Variants in SEMA6D observed in about 807,000 individuals in gnomAD.
SEMA6D encodes the protein semaphorin-6D.
Under a neutral mutation model 106.6 loss-of-function variants are expected in SEMA6D, and 35 were observed. That is an observed-to-expected ratio of 0.33 (90% CI 0.25 to 0.44). The LOEUF (loss-of-function observed/expected upper bound fraction) is 0.44. Ranked by LOEUF, SEMA6D falls within the 20% of genes least tolerant of loss-of-function variation. The pLI is 1.00. For missense variants in SEMA6D, 1,185 were observed against 1,345.9 expected (o/e 0.88, Z 1.87); for synonymous variants, 499 against 487.7 (o/e 1.02, Z -0.31).
chr15:47,726,619 C>T (rs903237545), intron 1 of SEMA6D, among the ~76,000 whole-genome samples: 4 of 152,264 alleles, frequency 2.6e-5, no homozygotes, highest in Non-Finnish European at 2.9e-5. Context: ...AATTACTTCA[C>T]CTCTTTGAGA....
At chr15:47,456,738 C>G (rs913278706) in intron 2 of SEMA6D, among the ~76,000 whole-genome samples, 6 of 152,010 alleles carry the variant, frequency 3.9e-5, no homozygotes, top group Non-Finnish European at 7.4e-5. Flanking sequence ...CTGAGATTGT[C>G]TCAGTTTACT....
At chr15:47,264,865 G>C (rs1056149939) in intron 1 of SEMA6D, among the ~76,000 whole-genome samples, 3 of 151,944 alleles carry the variant, frequency 2.0e-5, no homozygotes, top group Admixed American at 6.6e-5. Flanking sequence ...TGATTTTTGA[G>C]ATAATCTTTA....
In SEMA6D at chr15:47,300,317, T is replaced by C. The variant is rs1221563557; in HGVS notation, c.-238-112076T>C. Among the ~76,000 whole-genome samples, 4 of 151,984 alleles carry C rather than the reference T, an allele frequency of 2.6e-5. No homozygotes were observed. In the East Asian group the frequency reaches 5.8e-4, roughly 22 times the overall value. On this transcript the variant is annotated intron_variant, in intron 1 of 19. Coordinates refer to the SEMA6D transcript ENST00000558014. ...TGAACCTGGGCCACTTGAAAACTTA[T>C]GAAAAAGGGAAATGGAGAGTTTTAC...
chr15:47,314,394 C>G (rs887130545), intron 1 of SEMA6D, among the ~76,000 whole-genome samples: 2 of 151,012 alleles, frequency 1.3e-5, no homozygotes, highest in Non-Finnish European at 3.0e-5. Context: ...GTCAGGAGAT[C>G]GAGACCATCC....
chr15:47,306,474 C>G (rs530809669), intron 1 of SEMA6D, among the ~76,000 whole-genome samples: 2 of 152,144 alleles, frequency 1.3e-5, no homozygotes, highest in East Asian at 3.9e-4. Flanking sequence ...GTAATCCCAG[C>G]ACTTTGAGAG....
intron 1 of SEMA6D, among the ~76,000 whole-genome samples, chr15:47,336,555 C>T (rs1181419918): frequency 6.6e-6 from 1 of 152,162 alleles, no homozygotes; most frequent in Non-Finnish European, 1.5e-5. Flanking sequence ...GAAGCTACCC[C>T]TATGATCGAA....
intron 1 of SEMA6D, among the ~76,000 whole-genome samples, chr15:47,292,623 G>A (rs1247891775): frequency 1.3e-5 from 2 of 152,170 alleles, no homozygotes; most frequent in African/African-American, 4.8e-5. Flanking sequence ...GCAGGGCCAA[G>A]GAGGTCTTGG....
chr15:47,207,993 GCACACACA>G (rs57079521), intron 1 of SEMA6D, among the ~76,000 whole-genome samples: 10,578 of 89,216 alleles, frequency 0.12, 661 homozygotes, highest in Non-Finnish European at 0.16. Context: ...TGGCGCGCGC[GCACACACA>G]CACACACACA....
intron 3 of SEMA6D, among the ~76,000 whole-genome samples, chr15:47,533,698 T>C (rs2045054783): frequency 6.6e-6 from 1 of 152,302 alleles, no homozygotes; most frequent in Admixed American, 6.5e-5. Flanking sequence ...CAGACCATTA[T>C]ATTCTACTTG....
At chr15:47,575,384 T>G (rs2142971182) in intron 3 of SEMA6D, among the ~76,000 whole-genome samples, 1 of 151,726 alleles carries the variant, frequency 6.6e-6, no homozygotes, top group Non-Finnish European at 1.5e-5. Context: ...TGGGGTAGGG[T>G]GAGGGCACAA....
intron 4 of SEMA6D, among the ~76,000 whole-genome samples, chr15:47,691,185 A>G (rs142865832): frequency 2.0e-4 from 30 of 152,202 alleles, no homozygotes; most frequent in Non-Finnish European, 4.3e-4. Flanking sequence ...AGAGTCTTCC[A>G]TGTTGCTCCT....
intron 1 of SEMA6D, among the ~76,000 whole-genome samples, chr15:47,346,057 C>T (rs989032326): frequency 2.0e-5 from 3 of 152,102 alleles, no homozygotes; most frequent in Admixed American, 6.5e-5. Flanking sequence ...TAAAAGTCAT[C>T]TTGTGCATTA....
chr15:47,540,052 GTGTGTGTGTT>G (rs1315430655), intron 3 of SEMA6D, among the ~76,000 whole-genome samples: 2 of 151,964 alleles, frequency 1.3e-5, no homozygotes, highest in Admixed American at 6.6e-5. Context: ...AGCTGTGTGT[GTGTGTGTGTT>G]TGTGTGTGTG....
At chr15:47,608,153 T>C (rs985616766) in intron 4 of SEMA6D, among the ~76,000 whole-genome samples, 2 of 152,206 alleles carry the variant, frequency 1.3e-5, no homozygotes, top group African/African-American at 4.8e-5. Context: ...GGAGTAGACT[T>C]GAATTTTCTG....
At chr15:47,593,541 A>C (rs1402126403) in intron 3 of SEMA6D, among the ~76,000 whole-genome samples, 1 of 148,848 alleles carries the variant, frequency 6.7e-6, no homozygotes, top group African/African-American at 2.5e-5. Flanking sequence ...AAATAATCAG[A>C]AAAAAAAAAG....
intron 4 of SEMA6D, among the ~76,000 whole-genome samples, chr15:47,651,001 A>G (rs1395670016): frequency 2.0e-5 from 3 of 152,218 alleles, no homozygotes; most frequent in South Asian, 2.1e-4. Flanking sequence ...TCTATGTGCT[A>G]TTTCTTTGTT....
At chr15:47,583,234 C>CT (rs1385797662) in intron 3 of SEMA6D, among the ~76,000 whole-genome samples, 1 of 152,162 alleles carries the variant, frequency 6.6e-6, no homozygotes, top group Admixed American at 6.5e-5. Flanking sequence ...TTTGTAGAAA[C>CT]TGAGTTTCTA....
intron 1 of SEMA6D, among the ~76,000 whole-genome samples, chr15:47,404,272 G>A (rs1293879609): frequency 6.6e-6 from 1 of 152,154 alleles, no homozygotes; most frequent in African/African-American, 2.4e-5. Context: ...GGTTAAGGCT[G>A]AAGATATAAA....
chr15:47,249,292 T>C (rs1020403146), intron 1 of SEMA6D, among the ~76,000 whole-genome samples: 2 of 152,116 alleles, frequency 1.3e-5, no homozygotes, highest in East Asian at 3.9e-4. Flanking sequence ...TAGGACCTTA[T>C]AGTTGGCATG....
Sources: allele counts gnomAD v4.1 joint callset (sites outside exome capture counted in the v4.1 genomes callset), GRCh38; gene constraint gnomAD v4.1.1; transcripts MANE v1.5; gene names NCBI Gene and HGNC (gene_info 2026-07-23, HGNC 2026-07-21).